The following STARD4 variants were observed in gnomAD, a reference collection of about 807,000 sequenced individuals.
STARD4 encodes the protein StAR related lipid transfer domain containing 4, also known as stAR-related lipid transfer protein 4.
STARD4 carries 33 observed loss-of-function variants against 24.9 expected under a neutral mutation model. The ratio of observed to expected loss-of-function variants is 1.32; its 90% CI spans 1.00 to 1.77. The LOEUF (loss-of-function observed/expected upper bound fraction) is 1.77, where lower values mean the gene tolerates loss of function less well. Ranked by LOEUF, STARD4 falls within the 40% of genes most tolerant of loss-of-function variation. The pLI is 0.00. For missense variants in STARD4, 238 were observed against 249.3 expected, an observed-to-expected ratio of 0.95 and a Z score of 0.31; for synonymous variants, 88 against 77.4, an observed-to-expected ratio of 1.14 and a Z score of -0.72.
chr5:111,500,334 T>G, intron 5 of STARD4: 1 of 1,256,458 alleles, frequency 8.0e-7, no homozygotes, highest in African/African-American at 1.5e-5. Flanking sequence ...TCAGAATACA[T>G]GACATCATAT....
At chr5:111,503,359 G>A (rs896348243) in intron 3 of STARD4, among the ~76,000 whole-genome samples, 5 of 152,166 alleles carry the variant, frequency 3.3e-5, no homozygotes, top group Non-Finnish European at 7.4e-5. Flanking sequence ...GGCCAGGCGC[G>A]GTGGCTCATG....
chr5:111,511,587 A>G (rs1757289706), intron 1 of STARD4, among the ~76,000 whole-genome samples: 1 of 148,884 alleles, frequency 6.7e-6, no homozygotes, highest in Admixed American at 6.6e-5. Flanking sequence ...AAGGGAAAAT[A>G]GCAACAGGAA....
At position 111,505,707 on chromosome 5, in the gene STARD4, A is replaced by C. The variant is rs181077663; in HGVS notation, c.155+623T>G. Among the ~76,000 whole-genome samples the C allele has an allele frequency of 2.4e-3, 361 of 152,282 alleles. 3 individuals carry two copies. The highest frequency in any genetic ancestry group is 0.014 in the Middle Eastern group (4 of 294). ...ATCTTTCTGATAAATTCTTCAAGAT[A>C]AGTTCCTAAGATAAAATGTTCTACA... is the stretch of plus-strand genomic sequence containing the variant. On this transcript the variant is annotated intron_variant, in intron 3 of 5. Coordinates refer to ENST00000296632, the MANE Select transcript of STARD4 (RefSeq NM_139164.3).
intron 3 of STARD4, among the ~76,000 whole-genome samples, chr5:111,503,411 A>G (rs903928474): frequency 6.6e-6 from 1 of 152,214 alleles, no homozygotes; most frequent in Admixed American, 6.5e-5. Context: ...TGGGCGGACC[A>G]CGAGGTCAGG....
intron 2 of STARD4, 40 bp from the exon 3 acceptor site, chr5:111,506,419 G>A (rs1756869355): frequency 9.8e-7 from 1 of 1,023,934 alleles, no homozygotes; most frequent in African/African-American, 1.6e-5. Context: ...AATTGCATAG[G>A]TGGAACCCTA....
rs1756242296 is a variant in STARD4, at chr5:111,498,808, A to T, written c.*1078T>A. 6.6e-6 allele frequency: 1 copy of T among 152,196 alleles called. No individual in the cohort carries two copies. 9.4% of individuals were successfully genotyped at this position (152,196 alleles called of 1,614,324 possible). ...TCATCACCAGTGGCAAAAAATAAATAAAAACAAAAGCAAAAAACAGCTCCA... is the reference window on the plus strand; with the variant it reads ...TCATCACCAGTGGCAAAAAATAAATTAAAACAAAAGCAAAAAACAGCTCCA... On this transcript the variant is annotated 3_prime_UTR_variant, in exon 6 of 6. Coordinates refer to ENST00000296632, the MANE Select transcript of STARD4 (RefSeq NM_139164.3).
chr5:111,500,154 T>G (rs1756326446), intron 5 of STARD4, 48 bp from the exon 6 acceptor site: 1 of 1,487,132 alleles, frequency 6.7e-7, no homozygotes, highest in Non-Finnish European at 9.0e-7. Flanking sequence ...ATAACTGACA[T>G]AAAACTCTCA....
chr5:111,511,171 T>C (rs1757241814), intron 1 of STARD4, among the ~76,000 whole-genome samples: 2 of 152,218 alleles, frequency 1.3e-5, no homozygotes, highest in Admixed American at 6.5e-5. Context: ...TTCTCATTTT[T>C]TGAGACTGGC....
intron 1 of STARD4, among the ~76,000 whole-genome samples, chr5:111,510,423 A>T (rs910809435): frequency 2.0e-5 from 3 of 152,174 alleles, no homozygotes; most frequent in African/African-American, 4.8e-5. Flanking sequence ...TGCCATTCTG[A>T]ACCCATTCTG....
intron 1 of STARD4, among the ~76,000 whole-genome samples, chr5:111,511,705 A>G (rs1757299580): frequency 6.6e-6 from 1 of 152,204 alleles, no homozygotes; most frequent in Admixed American, 6.5e-5. Context: ...AAAACTGTGG[A>G]AGCTGATCAC....
At position 111,507,314 on chromosome 5, in the gene STARD4, A is replaced by C; in HGVS notation, c.105+15T>G. Reference sequence around the variant, plus strand: ...AGAAGATATACCCCAAATATAAGTAATTGAACTAATTTACCGTTTTCTTAG... The same window carrying C: ...AGAAGATATACCCCAAATATAAGTACTTGAACTAATTTACCGTTTTCTTAG... On this transcript the variant is annotated intron_variant, in intron 2 of 5. Transcript: ENST00000296632. The surrounding 1 kb of genome is among the most constrained non-coding windows in gnomAD (Gnocchi z 4.4). The C allele has an allele frequency of 6.2e-7, 1 of 1,600,696 alleles. No homozygotes were observed. Among genetic ancestry groups the C allele is most frequent in the Non-Finnish European group, 8.5e-7 (1 of 1,170,096 alleles).
rs752195075 is a variant in STARD4, at chr5:111,499,941, G to GT, written c.562dup (p.Thr188AsnfsTer13). 5.0e-6 allele frequency: 8 copies of GT among 1,614,088 alleles called. No individual in the cohort carries two copies. The highest frequency in any genetic ancestry group is 1.3e-5 in the African/African-American group (1 of 75,040). ...GTTGGTTAAAGTGCTTGCCATGGCT[G>GT]TATCTACCGCAGACTGAGGAATCAT... is the stretch of plus-strand genomic sequence containing the variant. On this transcript the variant is annotated frameshift_variant, in exon 6 of 6. Coordinates refer to ENST00000296632, the MANE Select transcript of STARD4 (RefSeq NM_139164.3). LOFTEE classifies it high-confidence loss of function.
In STARD4 at chr5:111,501,981, A is replaced by G. The variant is rs768940635; in HGVS notation, c.263T>C (p.Ile88Thr). Residue 88 changes from isoleucine (I) to threonine (T), a missense_variant, in exon 4 of 6, where the codon ATT (isoleucine) becomes ACT (threonine). Coordinates refer to ENST00000296632, the MANE Select transcript of STARD4 (RefSeq NM_139164.3). ...DWDSLMTSLD[I>T]LENFEENCCV... ...AGATACCTCTTCAAAGTTCTCCAGA[A>G]TATCCAAAGAAGTCATCAAGCTGTC... The G allele has an allele frequency of 1.2e-6, 2 of 1,614,152 alleles. No individual in the cohort carries two copies. The highest frequency in any genetic ancestry group is 2.2e-5 in the South Asian group (2 of 91,084).
chr5:111,503,905 A>C (rs1457836238), intron 3 of STARD4, among the ~76,000 whole-genome samples: 1 of 152,218 alleles, frequency 6.6e-6, no homozygotes, highest in African/African-American at 2.4e-5. Context: ...TAACTCCTAT[A>C]AACCAATGAG....
chr5:111,497,162 T>C lies in STARD4; in HGVS notation c.*2724A>G, dbSNP rs1333240361. The C allele has an allele frequency of 6.6e-6, 1 of 152,068 alleles. No homozygotes were observed. The highest frequency in any genetic ancestry group is 1.5e-5 in the Non-Finnish European group (1 of 67,920). 9.4% of individuals were successfully genotyped at this position (152,068 alleles called of 1,614,324 possible). A position where few individuals can be genotyped will look rare whatever the true frequency, so the allele number is the denominator to read the frequency against. On this transcript the variant is annotated 3_prime_UTR_variant, in exon 6 of 6. Transcript: ENST00000296632. ...CTACAAGCTACAGAATAGTCAACCATTTAACAAGAAGGCAGATTATATTCT... is the reference window on the plus strand; with the variant it reads ...CTACAAGCTACAGAATAGTCAACCACTTAACAAGAAGGCAGATTATATTCT...
chr5:111,500,191 T>G (rs1756329934), intron 5 of STARD4, 85 bp from the exon 6 acceptor site: 1 of 1,404,316 alleles, frequency 7.1e-7, no homozygotes, highest in African/African-American at 1.5e-5. Flanking sequence ...GAATTCTTAT[T>G]TAAATATTTA....
At position 111,510,431 on chromosome 5, in the gene STARD4, C is replaced by G. The variant is rs181145993; in HGVS notation, c.-10+1954G>C. ...TTTTAAATGCCATTCTGAACCCATT[C>G]TGAACTTCCTTTTACTAATTCAGTC... On this transcript the variant is annotated intron_variant, in intron 1 of 5. Coordinates refer to ENST00000296632, the MANE Select transcript of STARD4 (RefSeq NM_139164.3). Among the ~76,000 whole-genome samples the G allele has an allele frequency of 2.4e-3, 362 of 152,298 alleles. 2 individuals are homozygous for G. The highest frequency in any genetic ancestry group is 0.014 in the Middle Eastern group (4 of 294).
chr5:111,506,284 T>G, intron 3 of STARD4, 46 bp downstream of exon 3: 1 of 1,119,024 alleles, frequency 8.9e-7, no homozygotes, highest in Non-Finnish European at 1.3e-6. Flanking sequence ...GGATATAAGT[T>G]TTGAAATGTC....
chr5:111,507,456 C>A lies in STARD4; in HGVS notation c.-9-14G>T. 6.3e-7 allele frequency: 1 copy of A among 1,597,092 alleles called. No homozygotes were observed. The highest frequency in any genetic ancestry group is 1.1e-5 in the South Asian group (1 of 88,996). On this transcript the variant is annotated splice_polypyrimidine_tract_variant and intron_variant, in intron 1 of 5. Transcript: ENST00000296632. The surrounding 1 kb of genome is among the most constrained non-coding windows in gnomAD (Gnocchi z 4.4). Reference sequence around the variant, plus strand: ...CATTACTTCTCTCTGTTATGGAGACCAAGATTAGCATCAGCAAATACCACA... The same window carrying A: ...CATTACTTCTCTCTGTTATGGAGACAAAGATTAGCATCAGCAAATACCACA...
Sources: gnomAD v4.1 joint callset for allele counts (sites outside exome capture counted in the v4.1 genomes callset) on GRCh38, gnomAD v4.1.1 for gene constraint, Gnocchi (gnomAD v3.1) non-coding constraint, MANE v1.5 for transcripts, NCBI Gene and HGNC (gene_info 2026-07-23, HGNC 2026-07-21) for gene names.